ANGPT1: variants seen among roughly 807,000 people sequenced by gnomAD.
ANGPT1 encodes angiopoietin-1.
ANGPT1 carries 17 observed loss-of-function variants against 62.2 expected under a neutral mutation model. The observed-to-expected ratio is 0.27, with a 90% CI of 0.19 to 0.41. ANGPT1 has a LOEUF of 0.41. Ranked by LOEUF, ANGPT1 falls within the 10% of genes least tolerant of loss-of-function variation. The probability of loss-of-function intolerance (pLI) is 1.00; values close to 1 mark genes in which losing one functional copy is unlikely to be tolerated. For synonymous variants in ANGPT1, 199 were observed against 198.9 expected, an observed-to-expected ratio of 1.00 and a Z score of 0.00; for missense variants, 478 against 594.9, an observed-to-expected ratio of 0.80 and a Z score of 2.04.
chr8:107,265,876 T>C (rs558098503), intron 7 of ANGPT1, among the ~76,000 whole-genome samples: 2 of 151,076 alleles, frequency 1.3e-5, no homozygotes, highest in African/African-American at 4.9e-5. Context: ...ATCCTACTGT[T>C]TGTGGTATTT....
At chr8:107,482,594 G>C (rs1280830307) in intron 1 of ANGPT1, among the ~76,000 whole-genome samples, 1 of 152,124 alleles carries the variant, frequency 6.6e-6, no homozygotes, top group African/African-American at 2.4e-5. Context: ...TTCAAGGGGA[G>C]GGGAACTCTT....
chr8:107,282,334 A>G (rs1400956552), intron 7 of ANGPT1, among the ~76,000 whole-genome samples: 1 of 151,528 alleles, frequency 6.6e-6, no homozygotes, highest in Non-Finnish European at 1.5e-5. Context: ...GACAGAACAG[A>G]AACCACATTG....
chr8:107,335,061 G>A (rs566222701), intron 3 of ANGPT1, among the ~76,000 whole-genome samples: 47 of 152,308 alleles, frequency 3.1e-4, no homozygotes, highest in African/African-American at 1.0e-3. Context: ...CTTTTAGCAT[G>A]AAGTTGGGAA....
intron 7 of ANGPT1, among the ~76,000 whole-genome samples, chr8:107,264,554 A>G (rs1813570359): frequency 6.6e-6 from 1 of 152,166 alleles, no homozygotes; most frequent in African/African-American, 2.4e-5. Context: ...TGCATGCTCA[A>G]ACTCATGTGG....
chr8:107,257,887 G>GTTTTTTTTTTTTT (rs774474320), intron 8 of ANGPT1, among the ~76,000 whole-genome samples: 8 of 110,964 alleles, frequency 7.2e-5, no homozygotes, highest in Non-Finnish European at 1.1e-4. Context: ...TTTCTTTTTT[G>GTTTTTTTTTTTTT]TTTGTTTGTT....
At chr8:107,357,836 T>G (rs2130193411) in intron 1 of ANGPT1, among the ~76,000 whole-genome samples, 1 of 152,302 alleles carries the variant, frequency 6.6e-6, no homozygotes, top group Admixed American at 6.5e-5. Flanking sequence ...ATCATTTTAC[T>G]CTGGTATTTT....
intron 1 of ANGPT1, among the ~76,000 whole-genome samples, chr8:107,493,358 G>A (rs889457103): frequency 8.0e-5 from 12 of 150,448 alleles, no homozygotes; most frequent in African/African-American, 2.9e-4. Context: ...GGTAAGTGGA[G>A]TGTGGGTAGA....
intron 5 of ANGPT1, 62 bp from the exon 6 acceptor site, chr8:107,294,099 C>A (rs1482639838): frequency 7.3e-7 from 1 of 1,361,694 alleles, no homozygotes; most frequent in South Asian, 1.2e-5. Flanking sequence ...ATATATCCTA[C>A]ATGTTTCAAA....
intron 1 of ANGPT1, among the ~76,000 whole-genome samples, chr8:107,477,366 G>A (rs1366628932): frequency 1.3e-5 from 2 of 152,138 alleles, no homozygotes; most frequent in East Asian, 3.9e-4. Flanking sequence ...ACATTTAGAC[G>A]TGGCTGGAAC....
intron 1 of ANGPT1, among the ~76,000 whole-genome samples, chr8:107,394,579 A>C (rs1466015318): frequency 6.6e-6 from 1 of 152,156 alleles, no homozygotes; most frequent in Non-Finnish European, 1.5e-5. Context: ...ATCATGACAA[A>C]GCGCCTGCTT....
intron 8 of ANGPT1, among the ~76,000 whole-genome samples, chr8:107,257,879 T>TTTTTTTTTTTTTTTTTTTA (rs1563537215): frequency 1.5e-5 from 1 of 68,656 alleles, no homozygotes; most frequent in Non-Finnish European, 3.1e-5. Flanking sequence ...TGTTTTTGTT[T>TTTTTTTTTTTTTTTTTTTA]CTTTTTTGTT....
intron 1 of ANGPT1, among the ~76,000 whole-genome samples, chr8:107,382,178 A>G (rs2130277799): frequency 6.6e-6 from 1 of 152,368 alleles, no homozygotes; most frequent in Middle Eastern, 3.4e-3. Context: ...ATTATTAAAG[A>G]GTAATGGAAG....
At chr8:107,428,818 A>T (rs1439092007) in intron 1 of ANGPT1, among the ~76,000 whole-genome samples, 2 of 152,208 alleles carry the variant, frequency 1.3e-5, no homozygotes, top group Non-Finnish European at 2.9e-5. Flanking sequence ...CCAAATTGGC[A>T]AAATTCCCAA....
chr8:107,325,455 T>C (rs1007667988), intron 3 of ANGPT1, among the ~76,000 whole-genome samples: 7 of 152,220 alleles, frequency 4.6e-5, no homozygotes, highest in African/African-American at 1.7e-4. Flanking sequence ...GGCAAGCATG[T>C]AGATATCAAA....
At chr8:107,466,607 C>T (rs181911799) in intron 1 of ANGPT1, among the ~76,000 whole-genome samples, 8 of 152,132 alleles carry the variant, frequency 5.3e-5, no homozygotes, top group Non-Finnish European at 7.4e-5. Flanking sequence ...GCATGAACAT[C>T]GGTTGTTAAA....
rs756246301 is a variant in ANGPT1 at position 107,283,190 on chromosome 8, A to T, written c.1205+1492T>A. Among the ~76,000 whole-genome samples the T allele has an allele frequency of 2.0e-5, 3 of 152,226 alleles. No individual in the cohort carries two copies. In the East Asian group the frequency reaches 5.8e-4, roughly 29 times the overall value. On this transcript the variant is annotated intron_variant, in intron 7 of 8. Transcript: ENST00000517746. Reference sequence around the variant, plus strand: ...TCAAGTTTCAGGTCAAAACATTTACATAAGAGTATCCCTGATGTTTAACAG... The same window carrying T: ...TCAAGTTTCAGGTCAAAACATTTACTTAAGAGTATCCCTGATGTTTAACAG...
chr8:107,432,755 T>C (rs1368049907), intron 1 of ANGPT1, among the ~76,000 whole-genome samples: 1 of 152,104 alleles, frequency 6.6e-6, no homozygotes, highest in African/African-American at 2.4e-5. Context: ...ATCTGATAAG[T>C]ACTGTTAATA....
chr8:107,339,726 A>C (rs1449335830), intron 2 of ANGPT1, among the ~76,000 whole-genome samples: 1 of 152,164 alleles, frequency 6.6e-6, no homozygotes, highest in Non-Finnish European at 1.5e-5. Flanking sequence ...GGGGCCTAGG[A>C]CACTGCAGCG....
chr8:107,464,922 C>T (rs1812163651), intron 1 of ANGPT1, among the ~76,000 whole-genome samples: 1 of 151,970 alleles, frequency 6.6e-6, no homozygotes, highest in African/African-American at 2.4e-5. Flanking sequence ...AAAGAGGATG[C>T]CCAACACATG....
Sources: gnomAD v4.1 joint callset for allele counts (sites outside exome capture counted in the v4.1 genomes callset) on GRCh38, gnomAD v4.1.1 for gene constraint, MANE v1.5 for transcripts, NCBI Gene and HGNC (gene_info 2026-07-23, HGNC 2026-07-21) for gene names.